Variants in PLEKHA5 observed in about 807,000 individuals in gnomAD.
PLEKHA5 encodes pleckstrin homology domain-containing family A member 5.
In PLEKHA5, 55 loss-of-function variants were observed where a neutral mutation model predicts 181.9. The ratio of observed to expected loss-of-function variants is 0.30; its 90% confidence interval spans 0.24 to 0.38. The LOEUF (loss-of-function observed/expected upper bound fraction) is 0.38. Ranked by LOEUF, PLEKHA5 falls within the 10% of genes least tolerant of loss-of-function variation. The pLI, the probability that PLEKHA5 is intolerant of heterozygous loss-of-function variation, is 1.00. For missense variants in PLEKHA5, 1,432 were observed against 1,549.5 expected, an observed-to-expected ratio of 0.92 and a Z score of 1.27; for synonymous variants, 535 against 529.4, an observed-to-expected ratio of 1.01 and a Z score of -0.15.
intron 11 of PLEKHA5, among the ~76,000 whole-genome samples, chr12:19,280,048 T>G (rs921855293): frequency 8.2e-5 from 11 of 133,652 alleles, no homozygotes; most frequent in African/African-American, 1.1e-4. Flanking sequence ...TTTTTTTTTT[T>G]TTTTTTTTTT....
At chr12:19,185,891 G>T (rs942563340) in intron 3 of PLEKHA5, among the ~76,000 whole-genome samples, 5 of 152,150 alleles carry the variant, frequency 3.3e-5, no homozygotes, top group African/African-American at 1.2e-4. Flanking sequence ...GAGGGGATGG[G>T]ATATTTTTAT....
At chr12:19,188,786 A>G (rs777526515) in intron 3 of PLEKHA5, among the ~76,000 whole-genome samples, 1 of 152,140 alleles carries the variant, frequency 6.6e-6, no homozygotes. Context: ...TTCATTTTTT[A>G]TTTTACCTTG....
chr12:19,371,961 A>G (rs749357273), intron 31 of PLEKHA5: 8 of 152,138 alleles, frequency 5.3e-5, no homozygotes, highest in Non-Finnish European at 8.8e-5. Context: ...CACCACATCC[A>G]TACCAACATC....
chr12:19,189,569 T>C (rs896885006), intron 3 of PLEKHA5, among the ~76,000 whole-genome samples: 6 of 151,988 alleles, frequency 3.9e-5, no homozygotes, highest in African/African-American at 1.4e-4. Context: ...AGGTGGGAGA[T>C]CAACAAGAGA....
chr12:19,304,748 C>T (rs1221313828), intron 15 of PLEKHA5, among the ~76,000 whole-genome samples: 2 of 149,588 alleles, frequency 1.3e-5, no homozygotes, highest in Admixed American at 6.6e-5. Context: ...TTTATGGGGG[C>T]CGGGGGGCTT....
At chr12:19,346,419 G>A (rs1039381537) in intron 23 of PLEKHA5, among the ~76,000 whole-genome samples, 1 of 151,962 alleles carries the variant, frequency 6.6e-6, no homozygotes, top group Admixed American at 6.6e-5. Context: ...GCAGGAGGAT[G>A]TCTTGAGCCC....
intron 3 of PLEKHA5, among the ~76,000 whole-genome samples, chr12:19,195,718 G>C (rs1228278232): frequency 6.7e-6 from 1 of 149,544 alleles, no homozygotes; most frequent in African/African-American, 2.5e-5. Context: ...CTGTATTTAG[G>C]CTATTAACAT....
At chr12:19,203,320 T>C (rs1275402028) in intron 3 of PLEKHA5, among the ~76,000 whole-genome samples, 1 of 152,114 alleles carries the variant, frequency 6.6e-6, no homozygotes, top group Non-Finnish European at 1.5e-5. Flanking sequence ...TCTTCCATTA[T>C]CCAGGGTATA....
chr12:19,160,106 T>A (rs1037212257), intron 3 of PLEKHA5, among the ~76,000 whole-genome samples: 22 of 152,158 alleles, frequency 1.4e-4, no homozygotes, highest in African/African-American at 5.3e-4. Context: ...ATTTTTACAC[T>A]GTTAAATCTA....
chr12:19,214,747 C>G (rs2057619943), intron 3 of PLEKHA5, among the ~76,000 whole-genome samples: 3 of 152,056 alleles, frequency 2.0e-5, no homozygotes, highest in Admixed American at 2.0e-4. Context: ...AGAATGAAAG[C>G]AAATGAAAGA....
intron 21 of PLEKHA5, among the ~76,000 whole-genome samples, chr12:19,339,203 G>A (rs1216574842): frequency 6.6e-6 from 1 of 151,816 alleles, no homozygotes; most frequent in African/African-American, 2.4e-5. Context: ...ACCATACCTG[G>A]CTAATTTTTG....
rs2033208462 is a variant in PLEKHA5, at chr12:19,130,374, C to T, written c.169+244C>T. On this transcript the variant is annotated intron_variant, in intron 2 of 31. Coordinates refer to ENST00000429027, the MANE Select transcript of PLEKHA5 (RefSeq NM_001256470.2). This position sits in a 1 kb window ranked among gnomAD's most constrained non-coding sequence, Gnocchi z 4.5. ...CAGCACTTGGAGACGGCGCCCTCTT[C>T]CTGCGCCTTCTCCCCCCATCCCAGC... is the stretch of plus-strand genomic sequence containing the variant. 6.6e-6 allele frequency among the ~76,000 whole-genome samples: 1 copy of T among 151,960 alleles called. No individual in the cohort carries two copies. The highest frequency in any genetic ancestry group is 1.5e-5 in the Non-Finnish European group (1 of 67,954).
intron 28 of PLEKHA5, among the ~76,000 whole-genome samples, chr12:19,360,416 G>A (rs947262236): frequency 6.6e-6 from 1 of 151,750 alleles, no homozygotes. Flanking sequence ...GATCAGCCTC[G>A]CAAACATAGT....
intron 3 of PLEKHA5, among the ~76,000 whole-genome samples, chr12:19,241,495 G>A (rs554338765): frequency 6.6e-6 from 1 of 152,186 alleles, no homozygotes; most frequent in Non-Finnish European, 1.5e-5. Flanking sequence ...ATAGGCTCAT[G>A]CCTGTAATCC....
chr12:19,177,293 A>G (rs552887490), intron 3 of PLEKHA5, among the ~76,000 whole-genome samples: 2 of 152,300 alleles, frequency 1.3e-5, no homozygotes, highest in South Asian at 4.1e-4. Flanking sequence ...ATAATTAATG[A>G]TGTGTTAAAA....
intron 10 of PLEKHA5, 106 bp from the exon 11 acceptor site, chr12:19,274,410 C>A: frequency 1.4e-6 from 1 of 717,142 alleles, no homozygotes. Flanking sequence ...CTTTCCAGTC[C>A]CCTGGCCCCC....
chr12:19,327,290 G>A (rs1053600449), intron 20 of PLEKHA5, among the ~76,000 whole-genome samples: 4 of 142,426 alleles, frequency 2.8e-5, no homozygotes, highest in Non-Finnish European at 6.1e-5. Flanking sequence ...CCATTCTGAT[G>A]AATGTGAGAT....
At chr12:19,364,367 C>T (rs944587692) in intron 29 of PLEKHA5, among the ~76,000 whole-genome samples, 3 of 151,752 alleles carry the variant, frequency 2.0e-5, no homozygotes, top group East Asian at 2.0e-4. Context: ...AAAAATTATC[C>T]GGGCATAGTG....
rs2094080691 is a variant in PLEKHA5, at chr12:19,343,319, A to G, written c.2551-4A>G. The stretch of plus-strand genomic sequence containing the variant: ...ATATATGGTCTATCCATTTTTACTG[A>G]TAGACGGAATCAGCAGGAATTCAGC... On this transcript the variant is annotated splice_polypyrimidine_tract_variant and splice_region_variant and intron_variant, in intron 21 of 31. Transcript: ENST00000429027. 1 of 1,598,804 alleles carries G rather than the reference A, an allele frequency of 6.3e-7. No homozygotes were observed. The highest frequency in any genetic ancestry group is 8.6e-7 in the Non-Finnish European group (1 of 1,166,628).
Sources: allele counts gnomAD v4.1 joint callset (sites outside exome capture counted in the v4.1 genomes callset), GRCh38; gene constraint gnomAD v4.1.1; non-coding constraint Gnocchi (gnomAD v3.1); transcripts MANE v1.5; gene names NCBI Gene and HGNC (gene_info 2026-07-23, HGNC 2026-07-21).